Variants in HMCN1 observed in about 807,000 individuals in gnomAD.
The protein encoded by HMCN1 is hemicentin-1.
In HMCN1, 321 loss-of-function variants were observed where a neutral mutation model predicts 625.9. The observed-to-expected ratio is 0.51, with a 90% CI of 0.47 to 0.56. The LOEUF (loss-of-function observed/expected upper bound fraction) is 0.56, where lower values mean the gene tolerates loss of function less well. HMCN1 is among the 20% of genes least tolerant of loss of function. HMCN1 has a pLI of 0.00. For synonymous variants in HMCN1, 2,425 were observed against 2,417.6 expected, an observed-to-expected ratio of 1.00 and a Z score of -0.09; for missense variants, 6,588 against 6,887.3, an observed-to-expected ratio of 0.96 and a Z score of 1.54.
At chr1:185,992,174 C>A (rs1234755327) in intron 22 of HMCN1, among the ~76,000 whole-genome samples, 1 of 151,938 alleles carries the variant, frequency 6.6e-6, no homozygotes, top group Non-Finnish European at 1.5e-5. Context: ...AATCTTTTGT[C>A]TTTTATATGT....
At chr1:186,100,066 G>A (rs911055807) in intron 68 of HMCN1, among the ~76,000 whole-genome samples, 1 of 152,032 alleles carries the variant, frequency 6.6e-6, no homozygotes, top group Non-Finnish European at 1.5e-5. Context: ...GGCAGGGGGA[G>A]GGGGAGAGCG....
intron 1 of HMCN1, among the ~76,000 whole-genome samples, chr1:185,822,331 T>A (rs1181374291): frequency 6.6e-6 from 1 of 152,102 alleles, no homozygotes; most frequent in African/African-American, 2.4e-5. Flanking sequence ...GAATCTCTGT[T>A]CCTTCATCCC....
intron 36 of HMCN1, among the ~76,000 whole-genome samples, chr1:186,036,868 G>C (rs138876439): frequency 6.6e-6 from 1 of 152,078 alleles, no homozygotes; most frequent in Admixed American, 6.6e-5. Context: ...GGGATTACAG[G>C]TGTGAGCTAC....
At chr1:185,799,629 T>G (rs1383182729) in intron 1 of HMCN1, among the ~76,000 whole-genome samples, 1 of 152,156 alleles carries the variant, frequency 6.6e-6, no homozygotes, top group Non-Finnish European at 1.5e-5. Context: ...GGTAGGTCAG[T>G]GAGCTCAGGG....
Position 186,125,712 on chromosome 1 carries a change from A to G in HMCN1, c.12608A>G (p.Lys4203Arg), listed in dbSNP as rs1661609190. The G allele has an allele frequency of 6.2e-7, 1 of 1,613,308 alleles. No individual in the cohort carries two copies. The highest frequency in any genetic ancestry group is 8.5e-7 in the Non-Finnish European group (1 of 1,179,390). ...DGIPTPAINW[K>R]KDNVLLANLL... Reference sequence around the variant, plus strand: ...ATCCCCACACCAGCAATTAACTGGAAAAAAGACAATGTTCTTTTAGCTAAC... The same window carrying G: ...ATCCCCACACCAGCAATTAACTGGAGAAAAGACAATGTTCTTTTAGCTAAC... The change falls in exon 82 of 107, where the codon AAA (lysine) becomes AGA (arginine). Residue 4203 changes from lysine (K) to arginine (R), a missense_variant. Coordinates refer to ENST00000271588, the MANE Select transcript of HMCN1 (RefSeq NM_031935.3).
chr1:185,838,530 G>T (rs1661304349), intron 1 of HMCN1, among the ~76,000 whole-genome samples: 1 of 152,246 alleles, frequency 6.6e-6, no homozygotes, highest in East Asian at 1.9e-4. Flanking sequence ...ACTGAGTTGG[G>T]CCTGGGCATC....
At chr1:185,745,943 A>G (rs928492723) in intron 1 of HMCN1, among the ~76,000 whole-genome samples, 5 of 152,242 alleles carry the variant, frequency 3.3e-5, no homozygotes, top group Admixed American at 2.6e-4. Context: ...AGACAGAAAA[A>G]GGGAAGTTCA....
At chr1:186,024,049 A>G (rs139436574) in intron 36 of HMCN1, among the ~76,000 whole-genome samples, 17 of 152,326 alleles carry the variant, frequency 1.1e-4, no homozygotes, top group African/African-American at 3.6e-4. Flanking sequence ...TCAAATCATC[A>G]GTTTCCTAAA....
At position 185,980,983 on chromosome 1, in the gene HMCN1, T is replaced by A; in HGVS notation, c.2572T>A (p.Trp858Arg). ...AAATGAGTTCTTCCTTTTAGACTTATGGGCAAGTGATAAAGGAACCTATAT... is the reference window on the plus strand; with the variant it reads ...AAATGAGTTCTTCCTTTTAGACTTAAGGGCAAGTGATAAAGGAACCTATAT... The part of the protein sequence containing the change: ...RTGALFILNL[W>R]ASDKGTYICE... Residue 858 changes from tryptophan (W) to arginine (R), a missense_variant, in exon 17 of 107, where the codon TGG (tryptophan) becomes AGG (arginine). Physicochemically the swap from Trp to Arg is moderately radical, Grantham distance 101. Coordinates refer to ENST00000271588, the MANE Select transcript of HMCN1 (RefSeq NM_031935.3). The A allele has an allele frequency of 5.7e-6, 9 of 1,592,572 alleles. No individual in the cohort carries two copies. Among genetic ancestry groups the A allele is most frequent in the Non-Finnish European group, 7.8e-6 (9 of 1,160,412 alleles).
intron 102 of HMCN1, among the ~76,000 whole-genome samples, 171 bp downstream of exon 102, chr1:186,172,302 T>C (rs1306792860): frequency 6.6e-6 from 1 of 152,220 alleles, no homozygotes; most frequent in African/African-American, 2.4e-5. Context: ...CCCAGGGTCA[T>C]GGCTGTACCC....
intron 1 of HMCN1, among the ~76,000 whole-genome samples, chr1:185,836,031 C>A (rs1661145452): frequency 6.6e-6 from 1 of 152,132 alleles, no homozygotes; most frequent in Non-Finnish European, 1.5e-5. Context: ...AATACCATAT[C>A]CTGACAATGA....
intron 9 of HMCN1, among the ~76,000 whole-genome samples, chr1:185,926,873 C>A (rs1667303832): frequency 6.6e-6 from 1 of 152,168 alleles, no homozygotes; most frequent in Non-Finnish European, 1.5e-5. Context: ...GTGTTCTTTT[C>A]CGTATTCCAA....
At chr1:185,786,487 T>C (rs76275332) in intron 1 of HMCN1, among the ~76,000 whole-genome samples, 7,611 of 152,212 alleles carry the variant, frequency 0.05, 575 homozygotes, top group African/African-American at 0.17. Context: ...CAAATTGGCA[T>C]CTGGGCTTCG....
At position 186,189,930 on chromosome 1, in the gene HMCN1, T is replaced by C. The variant is rs1428145043; in HGVS notation, c.*52T>C. The stretch of plus-strand genomic sequence containing the variant: ...ATTTAAACCGCATTAATCATGGCAA[T>C]CAAGCCCCCTTCCAGATTACTGTCT... On this transcript the variant is annotated 3_prime_UTR_variant, in exon 107 of 107. Transcript: ENST00000271588. 1.3e-6 allele frequency: 2 copies of C among 1,596,936 alleles called. No homozygotes were observed. Among genetic ancestry groups the C allele is most frequent in the East Asian group, 4.5e-5 (2 of 44,808 alleles).
chr1:186,002,629 A>G (rs1289975593), intron 28 of HMCN1, among the ~76,000 whole-genome samples: 1 of 152,050 alleles, frequency 6.6e-6, no homozygotes, highest in African/African-American at 2.4e-5. Context: ...CCCTTGACTG[A>G]ATTCCATCTG....
chr1:186,007,312 G>A, intron 30 of HMCN1, 30 bp downstream of exon 30: 1 of 1,606,180 alleles, frequency 6.2e-7, no homozygotes, highest in Non-Finnish European at 8.5e-7. Context: ...GCTTTTTATT[G>A]TCTGCTCTCA....
intron 42 of HMCN1, among the ~76,000 whole-genome samples, chr1:186,052,142 A>AAGAGAGAG (rs146696201): frequency 1.3e-5 from 2 of 149,982 alleles, no homozygotes; most frequent in Non-Finnish European, 3.0e-5. Context: ...AGATGGTAAA[A>AAGAGAGAG]AGAGAGAGAG....
intron 105 of HMCN1, among the ~76,000 whole-genome samples, chr1:186,186,347 T>G (rs1040993844): frequency 6.6e-6 from 1 of 152,148 alleles, no homozygotes; most frequent in East Asian, 1.9e-4. Context: ...GCCAACATGG[T>G]GAAACCTCCT....
intron 42 of HMCN1, among the ~76,000 whole-genome samples, chr1:186,049,577 G>A (rs535373895): frequency 3.3e-5 from 5 of 151,936 alleles, no homozygotes; most frequent in African/African-American, 1.2e-4. Flanking sequence ...CAGCTAAAAA[G>A]CATTCCTATT....
Sources: allele counts gnomAD v4.1 joint callset (sites outside exome capture counted in the v4.1 genomes callset), GRCh38; gene constraint gnomAD v4.1.1; transcripts MANE v1.5; gene names NCBI Gene and HGNC (gene_info 2026-07-23, HGNC 2026-07-21).